The following NLRX1 variants were observed in gnomAD, a reference collection of about 807,000 sequenced individuals.
NLRX1 encodes NOD-like receptor X1.
A neutral mutation model predicts 74.2 loss-of-function variants in NLRX1; 67 were observed. The ratio of observed to expected loss-of-function variants is 0.90; its 90% CI spans 0.74 to 1.11. NLRX1 has a LOEUF of 1.11. Ranked by LOEUF, NLRX1 falls within the 50% of genes least tolerant of loss-of-function variation. NLRX1 has a pLI of 0.00. For synonymous variants in NLRX1, 506 were observed against 559.1 expected (o/e 0.91, Z 1.34); for missense variants, 1,191 against 1,305.4 (o/e 0.91, Z 1.35).
In NLRX1 at chr11:119,173,435, C is replaced by T; in HGVS notation, c.230-44C>T. The stretch of plus-strand genomic sequence containing the variant: ...CCCTGATTGGCCCTAAGCTACATCT[C>T]CAGGCCCCTTTCCCTGACACATTTC... On this transcript the variant is annotated intron_variant, in intron 4 of 9. Coordinates refer to ENST00000409109, the MANE Select transcript of NLRX1 (RefSeq NM_001282144.2). This position sits in a 1 kb window ranked among gnomAD's most constrained non-coding sequence, Gnocchi z 4.0. 1 of 1,586,690 alleles carries T rather than the reference C, an allele frequency of 6.3e-7. No homozygotes were observed. The highest frequency in any genetic ancestry group is 8.6e-7 in the Non-Finnish European group (1 of 1,168,474).
At chr11:119,178,144 G>A (rs1440384144) in intron 6 of NLRX1, among the ~76,000 whole-genome samples, 1 of 152,102 alleles carries the variant, frequency 6.6e-6, no homozygotes, top group Non-Finnish European at 1.5e-5. Flanking sequence ...CTCCAGCCTA[G>A]GTGACACAGC....
At chr11:119,174,414 A>T (rs1318309733) in intron 5 of NLRX1, 39 bp from the exon 6 acceptor site, 1 of 1,583,630 alleles carries the variant, frequency 6.3e-7, no homozygotes. Flanking sequence ...TCAACAGGAC[A>T]CTAAGGTCTT....
rs770428423 is a variant in NLRX1, at chr11:119,183,692, G to A, written c.*253G>A. On this transcript the variant is annotated 3_prime_UTR_variant, in exon 10 of 10. Coordinates refer to ENST00000409109, the MANE Select transcript of NLRX1 (RefSeq NM_001282144.2). This position sits in a 1 kb window ranked among gnomAD's most constrained non-coding sequence, Gnocchi z 5.7. ...TGCCTCCTCTCCATTCAGCTAGAAG[G>A]ACCAAAGCATGTGGCATTTGGATGG... 7 of 754,792 alleles carry A rather than the reference G, an allele frequency of 9.3e-6. No homozygotes were observed. Among genetic ancestry groups the A allele is most frequent in the East Asian group, 7.4e-5 (3 of 40,270 alleles). 46.8% of individuals were successfully genotyped at this position (754,792 alleles called of 1,614,324 possible).
rs776393378 is a variant in NLRX1 at position 119,172,950 on chromosome 11, G to A, written c.190G>A (p.Gly64Arg). 98 of 1,613,750 alleles carry A rather than the reference G, an allele frequency of 6.1e-5. No homozygotes were observed. Among genetic ancestry groups the A allele is most frequent in the East Asian group, 2.5e-4 (11 of 44,836 alleles). The stretch of plus-strand genomic sequence containing the variant: ...CTCGGTAGATAGCGCTCCCCCACCC[G>A]GGAGGCATGGACGGCTGTTCCCCAG... ...GSSVDSAPPP[G>R]RHGRLFPSAS... The change falls in exon 4 of 10, where the codon GGG becomes AGG. Residue 64 changes from glycine to arginine, a missense_variant. Gly to Arg is a moderately radical substitution (Grantham distance 125). Transcript: ENST00000409109.
chr11:119,174,577 G>A lies in NLRX1; in HGVS notation c.974G>A (p.Arg325His), dbSNP rs776155833. The change falls in exon 6 of 10, where the codon CGC (arginine) becomes CAC (histidine). Residue 325 changes from arginine (R) to histidine (H), a missense_variant. By Grantham distance (29) the Arg-to-His change is conservative. Coordinates refer to ENST00000409109, the MANE Select transcript of NLRX1 (RefSeq NM_001282144.2). The part of the protein sequence containing the change: ...TNLQKLYFQL[R>H]LNQPYCGYAV... ...CTGCAGAAGCTCTACTTCCAGCTCC[G>A]CCTCAACCAGCCGTACTGCGGGTAT... The A allele has an allele frequency of 6.2e-6, 10 of 1,613,968 alleles. No homozygotes were observed. The highest frequency in any genetic ancestry group is 1.6e-4 in the Middle Eastern group (1 of 6,084).
Position 119,174,591 on chromosome 11 carries a change from T to C in NLRX1, c.988T>C (p.Tyr330His), listed in dbSNP as rs80241894. The C allele has an allele frequency of 6.2e-7, 1 of 1,614,162 alleles. No homozygotes were observed. Among genetic ancestry groups the C allele is most frequent in the South Asian group, 1.1e-5 (1 of 91,092 alleles). Residue 330 changes from tyrosine to histidine, a missense_variant, in exon 6 of 10, where the codon TAC becomes CAC. Tyr to His is a moderately conservative substitution (Grantham distance 83, BLOSUM62 2). Transcript: ENST00000409109. ...LYFQLRLNQP[Y>H]CGYAVGGSGV... ...CTTCCAGCTCCGCCTCAACCAGCCGTACTGCGGGTATGCCGTTGGCGGTTC... is the reference window on the plus strand; with the variant it reads ...CTTCCAGCTCCGCCTCAACCAGCCGCACTGCGGGTATGCCGTTGGCGGTTC...
In NLRX1 at chr11:119,183,445, T is replaced by G. The variant is rs376754976; in HGVS notation, c.*6T>G. On this transcript the variant is annotated 3_prime_UTR_variant, in exon 10 of 10. Transcript: ENST00000409109. The surrounding 1 kb of genome is among the most constrained non-coding windows in gnomAD (Gnocchi z 5.7). ...TGGGAAGCTCTGGAAGCTGAGACACTGGCGGCAGGCACCTAGCTATGTGAC... is the reference window on the plus strand; with the variant it reads ...TGGGAAGCTCTGGAAGCTGAGACACGGGCGGCAGGCACCTAGCTATGTGAC... 1.1e-5 allele frequency: 18 copies of G among 1,608,104 alleles called. No individual in the cohort carries two copies. In the African/African-American group the frequency reaches 2.1e-4, roughly 19 times the overall value.
rs147720831 is a variant in NLRX1, at chr11:119,174,510, G to C, written c.907G>C (p.Val303Leu). The C allele has an allele frequency of 1.2e-6, 2 of 1,614,086 alleles. No individual in the cohort carries two copies. Among genetic ancestry groups the C allele is most frequent in the Non-Finnish European group, 1.7e-6 (2 of 1,180,054 alleles). Reference sequence around the variant, plus strand: ...CATTGGCCGTATCCCCAGCAAGTACGTGGGCCGCTATGGTGAGATCTGCGG... The same window carrying C: ...CATTGGCCGTATCCCCAGCAAGTACCTGGGCCGCTATGGTGAGATCTGCGG... ...SAIGRIPSKY[V>L]GRYGEICGFS... Residue 303 changes from valine to leucine, a missense_variant, in exon 6 of 10, where the codon GTG (valine) becomes CTG (leucine). By Grantham distance (32) the Val-to-Leu change is conservative. Coordinates refer to ENST00000409109, the MANE Select transcript of NLRX1 (RefSeq NM_001282144.2).
chr11:119,178,657 G>C (rs1057097553), intron 6 of NLRX1, among the ~76,000 whole-genome samples: 2 of 151,944 alleles, frequency 1.3e-5, no homozygotes, highest in African/African-American at 4.8e-5. Flanking sequence ...GAAGAAGTTG[G>C]GGGAGGGGAA....
chr11:119,171,515 C>A, intron 2 of NLRX1, 42 bp downstream of exon 2: 1 of 1,467,464 alleles, frequency 6.8e-7, no homozygotes, highest in Non-Finnish European at 9.5e-7. Flanking sequence ...CTCTTTCTTG[C>A]TTTCCAGGGT....
chr11:119,180,049 T>C lies in NLRX1; in HGVS notation c.2028T>C (p.Leu676=). The C allele has an allele frequency of 1.2e-6, 2 of 1,613,644 alleles. No homozygotes were observed. The highest frequency in any genetic ancestry group is 1.7e-6 in the Non-Finnish European group (2 of 1,180,016). The change falls in exon 7 of 10, where the codon CTT becomes CTC. Residue 676 remains leucine, a synonymous_variant. Transcript: ENST00000409109. ...AGGTGCTGCCCCCATCAGAGCTCCTTGACCACCTCTTCTTCCACTATGAGT... is the reference window on the plus strand; with the variant it reads ...AGGTGCTGCCCCCATCAGAGCTCCTCGACCACCTCTTCTTCCACTATGAGT... The part of the protein sequence containing the change: ...GRQVLPPSEL[L]DHLFFHYEFQ...
intron 1 of NLRX1, among the ~76,000 whole-genome samples, chr11:119,170,882 A>C (rs1237619930): frequency 6.6e-6 from 1 of 152,228 alleles, no homozygotes; most frequent in Non-Finnish European, 1.5e-5. Context: ...GATGGCTCAC[A>C]CTTGTAATCC....
intron 6 of NLRX1, among the ~76,000 whole-genome samples, chr11:119,176,814 C>G (rs915277407): frequency 6.6e-6 from 1 of 152,076 alleles, no homozygotes; most frequent in African/African-American, 2.4e-5. Flanking sequence ...CAGGTGTGAA[C>G]CACTGTGCCC....
chr11:119,172,293 G>A, intron 2 of NLRX1, 63 bp from the exon 3 acceptor site: 1 of 1,304,004 alleles, frequency 7.7e-7, no homozygotes, highest in South Asian at 1.2e-5. Flanking sequence ...GGGGTTTGAT[G>A]TAGACATGGG....
At chr11:119,182,735 A>C (rs959565325) in intron 9 of NLRX1, among the ~76,000 whole-genome samples, 4 of 151,858 alleles carry the variant, frequency 2.6e-5, no homozygotes, top group Non-Finnish European at 5.9e-5. Flanking sequence ...AAAAATACAA[A>C]AATTATCTGG....
rs977352580 is a variant in NLRX1, at chr11:119,173,397, G to A, written c.230-82G>A. On this transcript the variant is annotated intron_variant, in intron 4 of 9. Transcript: ENST00000409109. The surrounding 1 kb of genome is among the most constrained non-coding windows in gnomAD (Gnocchi z 4.0). ...CATCTATGCCGTGATGTCCCAGCCT[G>A]ACCTCACCACCGCCCTGATTGGCCC... 5.5e-5 allele frequency: 81 copies of A among 1,468,334 alleles called. No homozygotes were observed. Among genetic ancestry groups the A allele is most frequent in the Non-Finnish European group, 7.0e-5 (76 of 1,081,496 alleles). 91.0% of individuals were successfully genotyped at this position (1,468,334 alleles called of 1,614,324 possible). A position where few individuals can be genotyped will look rare whatever the true frequency, so the allele number is the denominator to read the frequency against.
In NLRX1 at chr11:119,180,144, T is replaced by C. The variant is rs1401600269; in HGVS notation, c.2123T>C (p.Met708Thr). 6.2e-7 allele frequency: 1 copy of C among 1,613,340 alleles called. No homozygotes were observed. Among genetic ancestry groups the C allele is most frequent in the South Asian group, 1.1e-5 (1 of 91,086 alleles). ...CAGCTCAACCTGGCAGGTGTGCGCATGACACCAGTCAAGTGCACAGTGGTG... is the reference window on the plus strand; with the variant it reads ...CAGCTCAACCTGGCAGGTGTGCGCACGACACCAGTCAAGTGCACAGTGGTG... ...LRQLNLAGVR[M>T]TPVKCTVVAA... is the part of the protein sequence containing the mutation. Residue 708 changes from methionine (M) to threonine (T), a missense_variant, in exon 7 of 10, where the codon ATG (methionine) becomes ACG (threonine). Met to Thr is a moderately conservative substitution (Grantham distance 81, BLOSUM62 -1). Coordinates refer to ENST00000409109, the MANE Select transcript of NLRX1 (RefSeq NM_001282144.2).
Position 119,172,378 on chromosome 11 carries a change from C to T in NLRX1, c.93C>T (p.Ile31=). 6.2e-7 allele frequency: 1 copy of T among 1,613,838 alleles called. No homozygotes were observed. Among genetic ancestry groups the T allele is most frequent in the South Asian group, 1.1e-5 (1 of 91,076 alleles). ...TAGATGATCGTATCCCCTTCCTGAT[C>T]CACTGGAGTTGGCCCCTTCAAGGGG... ...QRPDDRIPFL[I]HWSWPLQGER... The change falls in exon 3 of 10, where the codon ATC becomes ATT. Residue 31 remains isoleucine, a synonymous_variant. Coordinates refer to ENST00000409109, the MANE Select transcript of NLRX1 (RefSeq NM_001282144.2).
intron 1 of NLRX1, among the ~76,000 whole-genome samples, chr11:119,170,229 G>A (rs1460542738): frequency 6.6e-6 from 1 of 152,054 alleles, no homozygotes; most frequent in Non-Finnish European, 1.5e-5. Context: ...GGAGGTGCTT[G>A]GTGCTTGGGG....
Sources: gnomAD v4.1 joint callset for allele counts (sites outside exome capture counted in the v4.1 genomes callset) on GRCh38, gnomAD v4.1.1 for gene constraint, Gnocchi (gnomAD v3.1) non-coding constraint, MANE v1.5 for transcripts, NCBI Gene and HGNC (gene_info 2026-07-23, HGNC 2026-07-21) for gene names.